The following SEL1L variants were observed in gnomAD, a reference collection of about 807,000 sequenced individuals.
The protein encoded by SEL1L is SEL1L adaptor subunit of SYVN1 ubiquitin ligase, also known as protein sel-1 homolog 1.
Under a neutral mutation model 109.8 loss-of-function variants are expected in SEL1L, and 52 were observed. The ratio of observed to expected loss-of-function variants is 0.47; its 90% CI spans 0.38 to 0.60. The LOEUF (loss-of-function observed/expected upper bound fraction) is 0.60. Ranked by LOEUF, SEL1L falls within the 20% of genes least tolerant of loss-of-function variation. The probability of loss-of-function intolerance (pLI) is 0.00; values close to 1 mark genes in which losing one functional copy is unlikely to be tolerated. For missense variants in SEL1L, 749 were observed against 962.2 expected (o/e 0.78, Z 2.93); for synonymous variants, 373 against 339.6 (o/e 1.10, Z -1.08).
intron 1 of SEL1L, among the ~76,000 whole-genome samples, chr14:81,530,918 G>GT (rs974522124): frequency 1.1e-4 from 16 of 152,154 alleles, no homozygotes; most frequent in African/African-American, 3.9e-4. Flanking sequence ...TAACATAACA[G>GT]TAAGTATTTG....
chr14:81,500,759 T>TA (rs200273317), intron 6 of SEL1L, among the ~76,000 whole-genome samples: 1 of 148,236 alleles, frequency 6.7e-6, no homozygotes, highest in Non-Finnish European at 1.5e-5. Flanking sequence ...ATCTCAGATA[T>TA]AAAAAGGAGG....
chr14:81,490,380 A>T lies in SEL1L; in HGVS notation c.1332+8T>A, dbSNP rs775562500. On this transcript the variant is annotated splice_region_variant and intron_variant, in intron 13 of 20. Transcript: ENST00000336735. The stretch of plus-strand genomic sequence containing the variant: ...TACACATTTCAGTACACTGAGACAA[A>T]GCCTTACCATGTCAGCAGCTTTCTT... 1 of 1,604,692 alleles carries T rather than the reference A, an allele frequency of 6.2e-7. No homozygotes were observed. The highest frequency in any genetic ancestry group is 1.3e-5 in the African/African-American group (1 of 74,670).
rs539396091 is a variant in SEL1L, at chr14:81,489,022, C to T, written c.1395+230G>A. On this transcript the variant is annotated intron_variant, in intron 14 of 20. Transcript: ENST00000336735. ...GCAGAGATGGAAGAACAAGAAACAACTCCATACCTCTGGGAGAAAGTGCCA... is the reference window on the plus strand; with the variant it reads ...GCAGAGATGGAAGAACAAGAAACAATTCCATACCTCTGGGAGAAAGTGCCA... 4.8e-5 allele frequency: 26 copies of T among 544,550 alleles called. No homozygotes were observed. The South Asian group carries it at 6.4e-4, about 13-fold the overall frequency. 33.7% of individuals were successfully genotyped at this position (544,550 alleles called of 1,614,324 possible).
Position 81,490,390 on chromosome 14 carries a change from T to C in SEL1L, c.1330A>G (p.Met444Val), listed in dbSNP as rs763252072. ...AGTACACTGAGACAAAGCCTTACCA[T>C]GTCAGCAGCTTTCTTAAAGTAGTGG... ...ALHYFKKAAD[M>V]GNPVGQSGLG... The change falls in exon 13 of 21, where the codon ATG (methionine) becomes GTG (valine). Residue 444 changes from methionine (M) to valine (V), a missense_variant and splice_region_variant. This residue lies in a region of SEL1L where 383 missense variants were observed against 562.5 expected (regional missense o/e 0.68). Coordinates refer to ENST00000336735, the MANE Select transcript of SEL1L (RefSeq NM_005065.6). 2.5e-6 allele frequency: 4 copies of C among 1,609,580 alleles called. No homozygotes were observed. Among genetic ancestry groups the C allele is most frequent in the Non-Finnish European group, 3.4e-6 (4 of 1,175,934 alleles).
chr14:81,490,755 G>T (rs970803786), intron 12 of SEL1L, among the ~76,000 whole-genome samples: 1 of 152,172 alleles, frequency 6.6e-6, no homozygotes, highest in East Asian at 1.9e-4. Context: ...ACAAAAATTA[G>T]CCAGGCGTGG....
intron 2 of SEL1L, 33 bp downstream of exon 2, chr14:81,527,668 C>G: frequency 6.6e-7 from 1 of 1,515,642 alleles, no homozygotes; most frequent in Non-Finnish European, 8.9e-7. Context: ...AATCAGGCAG[C>G]AAATACTGGC....
intron 11 of SEL1L, among the ~76,000 whole-genome samples, chr14:81,493,692 A>G (rs1315768656): frequency 6.6e-6 from 1 of 152,182 alleles, no homozygotes; most frequent in Non-Finnish European, 1.5e-5. Flanking sequence ...TCTGCAATCT[A>G]GTCTTAATTG....
rs371446176 is a variant in SEL1L, at chr14:81,484,208, T to C, written c.2046+17A>G. The C allele has an allele frequency of 8.8e-6, 14 of 1,587,170 alleles. No homozygotes were observed. The African/African-American group carries it at 1.3e-4, about 15-fold the overall frequency. ...TCACAATTATGTGATTCAAACGTGT[T>C]TGGAAGCCACACTCACCTGTTTAAT... On this transcript the variant is annotated intron_variant, in intron 19 of 20. Transcript: ENST00000336735.
At chr14:81,499,760 A>G in intron 6 of SEL1L, 98 bp from the exon 7 acceptor site, 2 of 855,842 alleles carry the variant, frequency 2.3e-6, no homozygotes, top group South Asian at 2.0e-5. Context: ...AAAAAATGCA[A>G]GAGTCTTTAA....
At chr14:81,513,659 C>G (rs1193059836) in intron 3 of SEL1L, among the ~76,000 whole-genome samples, 2 of 152,158 alleles carry the variant, frequency 1.3e-5, no homozygotes, top group Admixed American at 1.3e-4. Context: ...AATTCGGGGG[C>G]TAAATACTGG....
chr14:81,509,382 G>A (rs1203220311), intron 3 of SEL1L, among the ~76,000 whole-genome samples: 1 of 152,178 alleles, frequency 6.6e-6, no homozygotes, highest in African/African-American at 2.4e-5. Context: ...GCGATAACCA[G>A]TATCAAATCT....
At chr14:81,501,660 G>C (rs1285722556) in intron 6 of SEL1L, among the ~76,000 whole-genome samples, 1 of 152,140 alleles carries the variant, frequency 6.6e-6, no homozygotes, top group Non-Finnish European at 1.5e-5. Flanking sequence ...CTTTAAGCAA[G>C]TCTCGCAGCT....
chr14:81,533,573 G>A (rs1256281870), intron 1 of SEL1L, 102 bp downstream of exon 1: 4 of 1,114,508 alleles, frequency 3.6e-6, no homozygotes, highest in Non-Finnish European at 5.3e-6. Context: ...GATGTGCCCA[G>A]GGAGAACGGG....
intron 1 of SEL1L, among the ~76,000 whole-genome samples, chr14:81,529,514 C>T (rs1379542382): frequency 6.6e-6 from 1 of 152,186 alleles, no homozygotes; most frequent in Non-Finnish European, 1.5e-5. Flanking sequence ...CATATGGACA[C>T]ATCTGTAAAT....
intron 10 of SEL1L, 24 bp downstream of exon 10, chr14:81,497,868 T>C (rs1321499293): frequency 1.2e-6 from 2 of 1,605,134 alleles, no homozygotes; most frequent in Non-Finnish European, 8.5e-7. Flanking sequence ...GTAAAGATAT[T>C]TGGTGAGATG....
Position 81,522,562 on chromosome 14 carries a change from T to C in SEL1L, c.340+4171A>G, listed in dbSNP as rs560922964. Among the ~76,000 whole-genome samples the C allele has an allele frequency of 7.9e-5, 12 of 152,310 alleles. No individual in the cohort carries two copies. The South Asian group carries it at 2.5e-3, about 32-fold the overall frequency. On this transcript the variant is annotated intron_variant, in intron 3 of 20. Coordinates refer to ENST00000336735, the MANE Select transcript of SEL1L (RefSeq NM_005065.6). ...TAGGCTATAACATATAGCCGAGGTATAGGCTACACTAGCTAGGTTCGTGTA... is the reference window on the plus strand; with the variant it reads ...TAGGCTATAACATATAGCCGAGGTACAGGCTACACTAGCTAGGTTCGTGTA...
chr14:81,479,364 C>G (rs1236661211), intron 20 of SEL1L: 1 of 275,400 alleles, frequency 3.6e-6, no homozygotes, highest in African/African-American at 2.2e-5. Context: ...CAGAAAACAT[C>G]TGCCTCCATG....
chr14:81,516,057 G>A (rs1884687596), intron 3 of SEL1L, among the ~76,000 whole-genome samples: 1 of 152,166 alleles, frequency 6.6e-6, no homozygotes, highest in Non-Finnish European at 1.5e-5. Context: ...GAAACAAGCT[G>A]CCCCCTCGCC....
Position 81,513,178 on chromosome 14 carries a change from T to C in SEL1L, c.341-6937A>G, listed in dbSNP as rs185489083. ...ACGCACCAATCAGCTCTCTGTAAAA[T>C]GGACCAATCAGCGCTCCGTAAAATG... On this transcript the variant is annotated intron_variant, in intron 3 of 20. Coordinates refer to ENST00000336735, the MANE Select transcript of SEL1L (RefSeq NM_005065.6). Among the ~76,000 whole-genome samples the C allele has an allele frequency of 2.6e-5, 4 of 152,284 alleles. No homozygotes were observed. In the East Asian group the frequency reaches 7.7e-4, roughly 29 times the overall value.
Sources: allele counts gnomAD v4.1 joint callset (sites outside exome capture counted in the v4.1 genomes callset), GRCh38; gene constraint gnomAD v4.1.1; regional missense constraint gnomAD v4.1.1; transcripts MANE v1.5; gene names NCBI Gene and HGNC (gene_info 2026-07-23, HGNC 2026-07-21).